The following NEK1 variants were observed in gnomAD, a reference collection of about 807,000 sequenced individuals.
NEK1 encodes NIMA related kinase 1.
Under a neutral mutation model 182.1 loss-of-function variants are expected in NEK1, and 137 were observed. The ratio of observed to expected loss-of-function variants is 0.75; its 90% CI spans 0.65 to 0.87. The LOEUF (loss-of-function observed/expected upper bound fraction) is 0.87. Ranked by LOEUF, NEK1 falls within the 40% of genes least tolerant of loss-of-function variation. The pLI, the probability that NEK1 is intolerant of heterozygous loss-of-function variation, is 0.00. For synonymous variants in NEK1, 513 were observed against 492.2 expected (o/e 1.04, Z -0.56); for missense variants, 1,391 against 1,494.4 (o/e 0.93, Z 1.14).
intron 23 of NEK1, among the ~76,000 whole-genome samples, chr4:169,500,267 G>A (rs1217728079): frequency 6.6e-6 from 1 of 152,154 alleles, no homozygotes; most frequent in Non-Finnish European, 1.5e-5. Flanking sequence ...TATTAGGGTG[G>A]GAGTGACCCG....
chr4:169,486,945 C>A (rs2149589407), intron 23 of NEK1, among the ~76,000 whole-genome samples: 1 of 152,274 alleles, frequency 6.6e-6, no homozygotes, highest in South Asian at 2.1e-4. Context: ...ATCTTCCTTA[C>A]ATACTTCATT....
chr4:169,589,592 T>A (rs1467466828), intron 6 of NEK1, 78 bp from the exon 7 acceptor site: 12 of 946,464 alleles, frequency 1.3e-5, no homozygotes, highest in African/African-American at 3.4e-5. Context: ...TCATAAAATT[T>A]AAAATCCAGT....
chr4:169,565,585 A>G (rs1306975957), intron 12 of NEK1, among the ~76,000 whole-genome samples: 1 of 152,256 alleles, frequency 6.6e-6, no homozygotes, highest in Non-Finnish European at 1.5e-5. Context: ...GTAAAAATAC[A>G]TATTCCTTCT....
At chr4:169,478,038 G>C (rs906979983) in intron 24 of NEK1, among the ~76,000 whole-genome samples, 1 of 151,882 alleles carries the variant, frequency 6.6e-6, no homozygotes, top group African/African-American at 2.4e-5. Flanking sequence ...AATTAGTTCT[G>C]AGTCATTTGT....
At chr4:169,532,498 T>C (rs1757826930) in intron 19 of NEK1, among the ~76,000 whole-genome samples, 2 of 152,150 alleles carry the variant, frequency 1.3e-5, no homozygotes, top group African/African-American at 4.8e-5. Flanking sequence ...TTAATGTAGG[T>C]TCGTCAATTG....
intron 19 of NEK1, among the ~76,000 whole-genome samples, chr4:169,536,367 T>TA (rs1213958545): frequency 6.6e-6 from 1 of 151,236 alleles, no homozygotes; most frequent in African/African-American, 2.4e-5. Flanking sequence ...AGAAAAATTT[T>TA]AAAGTAGAGA....
Position 169,477,246 on chromosome 4 carries a change from T to A in NEK1, c.2312A>T (p.Asp771Val). 1 of 1,601,998 alleles carries A rather than the reference T, an allele frequency of 6.2e-7. No homozygotes were observed. The highest frequency in any genetic ancestry group is 8.5e-7 in the Non-Finnish European group (1 of 1,173,002). The change falls in exon 26 of 36, where the codon GAT becomes GTT. Residue 771 changes from aspartate to valine, a missense_variant. Physicochemically the swap from Asp to Val is radical, Grantham distance 152. Around this residue, in one of 5 missense-constraint regions of NEK1, gnomAD observed 1,216 missense variants for 1,277.6 expected, o/e 0.95. Coordinates refer to ENST00000507142, the MANE Select transcript of NEK1 (RefSeq NM_001199397.3). ...SDTFEINVHE[D>V]AKEHEKEKSV... ...TTTTTCTTTTTCATGCTCTTTGGCATCTTCATGAACATTTATCTCAAAAGT... is the reference window on the plus strand; with the variant it reads ...TTTTTCTTTTTCATGCTCTTTGGCAACTTCATGAACATTTATCTCAAAAGT...
intron 5 of NEK1, among the ~76,000 whole-genome samples, chr4:169,593,850 G>C: frequency 6.6e-6 from 1 of 152,122 alleles, no homozygotes; most frequent in East Asian, 1.9e-4. Context: ...TTAGCCAGGC[G>C]TGATGGCGGG....
chr4:169,439,939 C>T (rs549441764), intron 27 of NEK1, among the ~76,000 whole-genome samples: 15 of 150,614 alleles, frequency 1.0e-4, no homozygotes, highest in East Asian at 1.9e-4. Flanking sequence ...CTCCACCTCC[C>T]GGGTTCAAGC....
At chr4:169,558,146 A>G (rs1001319597) in intron 16 of NEK1, among the ~76,000 whole-genome samples, 11 of 152,188 alleles carry the variant, frequency 7.2e-5, no homozygotes, top group African/African-American at 1.9e-4. Context: ...CTTTGAATTT[A>G]GCCCAATGCT....
At chr4:169,444,374 A>G (rs1740093305) in intron 27 of NEK1, among the ~76,000 whole-genome samples, 1 of 152,196 alleles carries the variant, frequency 6.6e-6, no homozygotes, top group African/African-American at 2.4e-5. Flanking sequence ...GCTGCCTACA[A>G]TAAACTCATT....
intron 9 of NEK1, among the ~76,000 whole-genome samples, chr4:169,587,203 C>T (rs927435425): frequency 4.6e-5 from 7 of 151,862 alleles, no homozygotes; most frequent in Non-Finnish European, 7.4e-5. Flanking sequence ...CAATTCCAAA[C>T]TCAATCTGGG....
chr4:169,427,578 T>G (rs752454600), intron 29 of NEK1, among the ~76,000 whole-genome samples: 14 of 151,830 alleles, frequency 9.2e-5, no homozygotes, highest in Non-Finnish European at 1.3e-4. Context: ...CACTGCCGCC[T>G]CCTCCTCCCA....
At chr4:169,578,145 T>A (rs1766014000) in intron 11 of NEK1, among the ~76,000 whole-genome samples, 1 of 152,180 alleles carries the variant, frequency 6.6e-6, no homozygotes, top group African/African-American at 2.4e-5. Context: ...GAAGCCTAGA[T>A]GAGGTTCAGT....
chr4:169,589,146 A>G (rs1213241787), intron 7 of NEK1, among the ~76,000 whole-genome samples: 4 of 152,168 alleles, frequency 2.6e-5, no homozygotes, highest in Non-Finnish European at 4.4e-5. Context: ...TTGTGTTACA[A>G]TTTCTTACAG....
At chr4:169,432,922 C>T (rs186608869) in intron 29 of NEK1, among the ~76,000 whole-genome samples, 2 of 152,160 alleles carry the variant, frequency 1.3e-5, no homozygotes, top group African/African-American at 2.4e-5. Flanking sequence ...TATAGGCACC[C>T]GCCGCCATGC....
At chr4:169,488,216 C>T (rs1328804093) in intron 23 of NEK1, among the ~76,000 whole-genome samples, 1 of 152,080 alleles carries the variant, frequency 6.6e-6, no homozygotes, top group East Asian at 1.9e-4. Flanking sequence ...GTCGCTATTG[C>T]TTTTGGCATT....
intron 19 of NEK1, among the ~76,000 whole-genome samples, chr4:169,521,457 A>G (rs1269724704): frequency 6.7e-6 from 1 of 150,234 alleles, no homozygotes; most frequent in Non-Finnish European, 1.5e-5. Context: ...TGCAGAAATC[A>G]CCCGTCTTCT....
intron 26 of NEK1, 104 bp downstream of exon 26, chr4:169,477,020 C>T: frequency 1.4e-6 from 1 of 725,360 alleles, no homozygotes; most frequent in East Asian, 2.8e-5. Flanking sequence ...ATTCTTTCAG[C>T]TTCTCTCAAT....
Sources: allele counts gnomAD v4.1 joint callset (sites outside exome capture counted in the v4.1 genomes callset), GRCh38; gene constraint gnomAD v4.1.1; regional missense constraint gnomAD v4.1.1; transcripts MANE v1.5; gene names NCBI Gene and HGNC (gene_info 2026-07-23, HGNC 2026-07-21).